Variants in CEP295 observed in about 807,000 individuals in gnomAD.
CEP295 encodes the protein centrosomal protein of 295 kDa.
CEP295 carries 190 observed loss-of-function variants against 291.6 expected under a neutral mutation model. That is an observed-to-expected ratio of 0.65 (90% CI 0.58 to 0.73). The LOEUF is 0.73. Ranked by LOEUF, CEP295 falls within the 30% of genes least tolerant of loss-of-function variation. The probability of loss-of-function intolerance (pLI) is 0.00; values close to 1 mark genes in which losing one functional copy is unlikely to be tolerated. For synonymous variants in CEP295, 993 were observed against 1,038.8 expected (o/e 0.96, Z 0.85); for missense variants, 2,863 against 2,949.4 (o/e 0.97, Z 0.68).
intron 19 of CEP295, 56 bp from the exon 20 acceptor site, chr11:93,721,898 G>C (rs1486897368): frequency 1.6e-6 from 2 of 1,213,634 alleles, no homozygotes; most frequent in Middle Eastern, 1.9e-4. Flanking sequence ...GGTGATTTGG[G>C]GTTTTCTTAC....
chr11:93,705,194 C>T (rs16919234), intron 17 of CEP295, among the ~76,000 whole-genome samples: 14,305 of 151,808 alleles, frequency 0.094, 725 homozygotes, highest in African/African-American at 0.12. Flanking sequence ...TTGTATGGGC[C>T]GTGCTATGCA....
At chr11:93,693,367 A>G (rs1194872444) in intron 12 of CEP295, among the ~76,000 whole-genome samples, 3 of 152,180 alleles carry the variant, frequency 2.0e-5, no homozygotes, top group African/African-American at 7.2e-5. Context: ...GAAGGAGGCT[A>G]ATTATTACTA....
Position 93,699,963 on chromosome 11 carries a change from A to G in CEP295, c.5051A>G (p.Asn1684Ser), listed in dbSNP as rs1193844972. ...SQNEHAAPPS[N>S]PVIPGFQDRL... ...AATGAACATGCAGCCCCCCCAAGTA[A>G]TCCTGTGATCCCAGGGTTTCAAGAT... The change falls in exon 15 of 30, where the codon AAT (asparagine) becomes AGT (serine). Residue 1684 changes from asparagine (N) to serine (S), a missense_variant. Around this residue, in one of 3 missense-constraint regions of CEP295, gnomAD observed 2,295 missense variants for 2,335.7 expected, o/e 0.98. Coordinates refer to ENST00000325212, the MANE Select transcript of CEP295 (RefSeq NM_033395.2). The G allele has an allele frequency of 1.3e-6, 2 of 1,551,738 alleles. No homozygotes were observed. The highest frequency in any genetic ancestry group is 1.7e-6 in the Non-Finnish European group (2 of 1,147,000).
intron 1 of CEP295, among the ~76,000 whole-genome samples, chr11:93,663,253 A>G (rs1055732227): frequency 2.6e-5 from 4 of 152,140 alleles, no homozygotes; most frequent in Non-Finnish European, 5.9e-5. Context: ...AACATTTCTT[A>G]TACTGCATGG....
chr11:93,686,076 T>C (rs868574580), intron 9 of CEP295, among the ~76,000 whole-genome samples: 5 of 149,638 alleles, frequency 3.3e-5, no homozygotes, highest in Middle Eastern at 3.4e-3. Context: ...CCCAGCACTT[T>C]GGGAGGCCAA....
At chr11:93,723,625 A>G (rs1953920623) in intron 21 of CEP295, 1 of 175,598 alleles carries the variant, frequency 5.7e-6, no homozygotes, top group Non-Finnish European at 1.2e-5. Flanking sequence ...ACCATTTCCT[A>G]GCTGTAAAAC....
intron 7 of CEP295, among the ~76,000 whole-genome samples, chr11:93,680,655 CAATA>C (rs1393004052): frequency 6.6e-6 from 1 of 152,088 alleles, no homozygotes; most frequent in East Asian, 1.9e-4. Context: ...GTCAATCAAT[CAATA>C]AATAGTGACT....
At chr11:93,693,685 G>T (rs1490563317) in intron 12 of CEP295, among the ~76,000 whole-genome samples, 1 of 152,192 alleles carries the variant, frequency 6.6e-6, no homozygotes, top group Non-Finnish European at 1.5e-5. Flanking sequence ...GAACCCAAGA[G>T]GTGGAGGTTG....
At chr11:93,725,245 T>C (rs1203894288) in intron 22 of CEP295, among the ~76,000 whole-genome samples, 1 of 146,722 alleles carries the variant, frequency 6.8e-6, no homozygotes, top group East Asian at 2.0e-4. Context: ...AGACCCCATC[T>C]CAAAAAAAAA....
chr11:93,664,332 T>C (rs1431765997), intron 1 of CEP295, among the ~76,000 whole-genome samples: 2 of 152,250 alleles, frequency 1.3e-5, no homozygotes, highest in Non-Finnish European at 2.9e-5. Flanking sequence ...AGGAGCCATT[T>C]GGAATAAGGA....
Position 93,692,060 on chromosome 11 carries a change from A to AT in CEP295, c.1533+35dup. On this transcript the variant is annotated intron_variant, in intron 12 of 29. Transcript: ENST00000325212. Reference sequence around the variant, plus strand: ...TTTGAAATTTTATTTTTAAAGGTTTATTTTTCCCCTAGGTACTATTATATA... The same window carrying AT: ...TTTGAAATTTTATTTTTAAAGGTTTATTTTTTCCCCTAGGTACTATTATATA... 5 of 1,215,080 alleles carry AT rather than the reference A, an allele frequency of 4.1e-6. No individual in the cohort carries two copies. The African/African-American group carries it at 6.0e-5, about 15-fold the overall frequency. The allele number at this position is 1,215,080 out of a possible 1,614,324, so 75.3% of individuals were successfully genotyped here.
intron 24 of CEP295, 103 bp downstream of exon 24, chr11:93,727,740 C>A (rs1954265883): frequency 4.3e-6 from 4 of 932,354 alleles, no homozygotes; most frequent in Admixed American, 3.0e-5. Flanking sequence ...GCTACCCAGG[C>A]TGAACTCAAA....
intron 17 of CEP295, among the ~76,000 whole-genome samples, chr11:93,703,767 CTTTTTTT>C (rs748490554): frequency 7.8e-6 from 1 of 127,936 alleles, no homozygotes; most frequent in African/African-American, 2.9e-5. Flanking sequence ...CCCTGTAATT[CTTTTTTT>C]TTTTTTTTTT....
At position 93,696,448 on chromosome 11, in the gene CEP295, C is replaced by T. The variant is rs147396645; in HGVS notation, c.1769+31C>T. 4.6e-5 allele frequency: 60 copies of T among 1,304,528 alleles called. No homozygotes were observed. In the East Asian group the frequency reaches 9.8e-4, roughly 21 times the overall value. 80.8% of individuals were successfully genotyped at this position (1,304,528 alleles called of 1,614,324 possible). On this transcript the variant is annotated intron_variant, in intron 14 of 29. Coordinates refer to ENST00000325212, the MANE Select transcript of CEP295 (RefSeq NM_033395.2). Reference sequence around the variant, plus strand: ...AGCTAGGGTATAATTTATATGTGATCGTATGTGGCTACATTTTTAGGATTT... The same window carrying T: ...AGCTAGGGTATAATTTATATGTGATTGTATGTGGCTACATTTTTAGGATTT...
intron 5 of CEP295, 84 bp downstream of exon 5, chr11:93,669,854 A>AAC (rs1198746649): frequency 2.3e-5 from 19 of 819,718 alleles, no homozygotes; most frequent in Non-Finnish European, 3.7e-5. Context: ...CTATCACTTA[A>AAC]ACTTAATTGT....
intron 7 of CEP295, among the ~76,000 whole-genome samples, 177 bp downstream of exon 7, chr11:93,679,729 G>A (rs1227292649): frequency 6.6e-6 from 1 of 151,838 alleles, no homozygotes; most frequent in Non-Finnish European, 1.5e-5. Flanking sequence ...GTTCTGATTG[G>A]GTTAAGCTAT....
chr11:93,700,143 A>G lies in CEP295; in HGVS notation c.5231A>G (p.Gln1744Arg). ...QRQTALQQQI[Q>R]KHEETLKDFF... is the part of the protein sequence containing the mutation. Reference sequence around the variant, plus strand: ...CAAACAGCATTGCAGCAGCAGATACAGAAACATGAAGAGACTTTGAAGGAT... The same window carrying G: ...CAAACAGCATTGCAGCAGCAGATACGGAAACATGAAGAGACTTTGAAGGAT... The change falls in exon 15 of 30, where the codon CAG (glutamine) becomes CGG (arginine). Residue 1744 changes from glutamine (Q) to arginine (R), a missense_variant. Physicochemically the swap from Gln to Arg is conservative, Grantham distance 43. Around this residue, in one of 3 missense-constraint regions of CEP295, gnomAD observed 2,295 missense variants for 2,335.7 expected, o/e 0.98. Transcript: ENST00000325212. 1 of 1,551,066 alleles carries G rather than the reference A, an allele frequency of 6.4e-7. No individual in the cohort carries two copies. Among genetic ancestry groups the G allele is most frequent in the Non-Finnish European group, 8.7e-7 (1 of 1,146,824 alleles).
rs1951977467 is a variant in CEP295, at chr11:93,698,744, C to T, written c.3832C>T (p.Gln1278Ter). The change falls in exon 15 of 30, where the codon CAA becomes TAA. Residue 1278 changes from glutamine (Q) to a stop codon, truncating the protein, a stop_gained. Transcript: ENST00000325212. LOFTEE classifies it high-confidence loss of function. ...AGCCTTTCATTTCAGCCAGAAAACC[C>T]AAGAAAATACATCTTCTGAACAAAC... ...KEAFHFSQKT[Q>*]ENTSSEQTGS... 1 of 1,551,528 alleles carries T rather than the reference C, an allele frequency of 6.4e-7. No individual in the cohort carries two copies. Among genetic ancestry groups the T allele is most frequent in the Admixed American group, 2.0e-5 (1 of 50,962 alleles).
Position 93,721,420 on chromosome 11 carries a change from ATGTCT to A in CEP295, c.5850+10_5850+14del, listed in dbSNP as rs1166907840. 1 of 1,510,090 alleles carries A rather than the reference ATGTCT, an allele frequency of 6.6e-7. No homozygotes were observed. Among genetic ancestry groups the A allele is most frequent in the Non-Finnish European group, 9.2e-7 (1 of 1,085,778 alleles). The allele number at this position is 1,510,090 out of a possible 1,614,324, so 93.5% of individuals were successfully genotyped here. ...GTGAAGCCAGATGATAAGGTTAGTAATGTCTTAATGTTCACTCGATTTTTAGAGCT... is the reference window on the plus strand; with the variant it reads ...GTGAAGCCAGATGATAAGGTTAGTAATAATGTTCACTCGATTTTTAGAGCT... On this transcript the variant is annotated intron_variant, in intron 19 of 29. Transcript: ENST00000325212.
Sources: allele counts gnomAD v4.1 joint callset (sites outside exome capture counted in the v4.1 genomes callset), GRCh38; gene constraint gnomAD v4.1.1; regional missense constraint gnomAD v4.1.1; transcripts MANE v1.5; gene names NCBI Gene and HGNC (gene_info 2026-07-23, HGNC 2026-07-21).